Variants in FCHSD2 observed in about 807,000 individuals in gnomAD.
FCHSD2 encodes F-BAR and double SH3 domains protein 2.
In FCHSD2, 38 loss-of-function variants were observed where a neutral mutation model predicts 108.1. The ratio of observed to expected loss-of-function variants is 0.35; its 90% CI spans 0.27 to 0.46. The LOEUF (loss-of-function observed/expected upper bound fraction) is 0.46, where lower values mean the gene tolerates loss of function less well. Ranked by LOEUF, FCHSD2 falls within the 20% of genes least tolerant of loss-of-function variation. FCHSD2 has a pLI of 1.00. For synonymous variants in FCHSD2, 279 were observed against 314.7 expected (o/e 0.89, Z 1.20); for missense variants, 751 against 897.8 (o/e 0.84, Z 2.09).
chr11:72,909,051 C>T (rs945987030), intron 9 of FCHSD2, among the ~76,000 whole-genome samples: 1 of 152,044 alleles, frequency 6.6e-6, no homozygotes, highest in African/African-American at 2.4e-5. Flanking sequence ...CTCTCCCTTC[C>T]CCTCCCCCCT....
intron 4 of FCHSD2, among the ~76,000 whole-genome samples, chr11:73,010,964 T>G (rs1464704652): frequency 6.6e-6 from 1 of 151,996 alleles, no homozygotes; most frequent in Non-Finnish European, 1.5e-5. Context: ...TATGCTGGTG[T>G]TGGTGGTGGC....
chr11:72,904,345 C>A (rs1157216494), intron 9 of FCHSD2, among the ~76,000 whole-genome samples: 1 of 152,190 alleles, frequency 6.6e-6, no homozygotes, highest in East Asian at 1.9e-4. Flanking sequence ...AAACTATTAA[C>A]CTTTTTGTTT....
At chr11:73,053,762 G>T (rs953322844) in intron 3 of FCHSD2, among the ~76,000 whole-genome samples, 2 of 152,104 alleles carry the variant, frequency 1.3e-5, no homozygotes, top group African/African-American at 4.8e-5. Flanking sequence ...ATTACAGAAT[G>T]ACAAAAAAGT....
chr11:72,993,147 C>T (rs1178232644), intron 5 of FCHSD2, among the ~76,000 whole-genome samples: 2 of 151,560 alleles, frequency 1.3e-5, no homozygotes, highest in East Asian at 1.9e-4. Context: ...AGCCAACAGA[C>T]ACATGAAAAA....
chr11:72,887,372 T>C, intron 12 of FCHSD2, 98 bp downstream of exon 12: 2 of 747,376 alleles, frequency 2.7e-6, no homozygotes, highest in East Asian at 2.7e-5. Flanking sequence ...ATCACCTTCA[T>C]CTCAGTGTGT....
chr11:73,128,916 G>T (rs1860922888), intron 2 of FCHSD2, among the ~76,000 whole-genome samples: 1 of 152,088 alleles, frequency 6.6e-6, no homozygotes, highest in South Asian at 2.1e-4. Flanking sequence ...CTGTTGCCCA[G>T]GCTGGAGTGT....
chr11:73,046,377 C>T (rs1046137414), intron 3 of FCHSD2, among the ~76,000 whole-genome samples: 1 of 152,204 alleles, frequency 6.6e-6, no homozygotes, highest in East Asian at 1.9e-4. Flanking sequence ...GCCAATACAG[C>T]AAGAATGCAT....
chr11:72,853,798 G>A (rs1343145355), intron 13 of FCHSD2, among the ~76,000 whole-genome samples: 1 of 152,136 alleles, frequency 6.6e-6, no homozygotes, highest in African/African-American at 2.4e-5. Context: ...CACAGAATGG[G>A]ATAAGGTATT....
intron 3 of FCHSD2, among the ~76,000 whole-genome samples, chr11:73,017,743 A>C (rs1003744608): frequency 6.6e-6 from 1 of 152,172 alleles, no homozygotes; most frequent in Non-Finnish European, 1.5e-5. Context: ...GCATGAAAAT[A>C]TCTTCTAACC....
chr11:73,007,200 T>C (rs1369854414), intron 4 of FCHSD2, among the ~76,000 whole-genome samples: 1 of 152,186 alleles, frequency 6.6e-6, no homozygotes, highest in Non-Finnish European at 1.5e-5. Context: ...AGGTTATAAC[T>C]AGTAAAATAC....
intron 8 of FCHSD2, among the ~76,000 whole-genome samples, chr11:72,956,979 A>G (rs1856723595): frequency 3.3e-5 from 5 of 151,834 alleles, no homozygotes; most frequent in Admixed American, 3.3e-4. Flanking sequence ...CCAAGAATGC[A>G]TGATCTGACA....
chr11:73,119,984 G>A (rs1860693371), intron 2 of FCHSD2, among the ~76,000 whole-genome samples: 1 of 152,126 alleles, frequency 6.6e-6, no homozygotes, highest in Non-Finnish European at 1.5e-5. Flanking sequence ...CAATCATGGC[G>A]AGGAGGAGCA....
intron 2 of FCHSD2, among the ~76,000 whole-genome samples, chr11:73,110,678 G>A (rs371819619): frequency 5.9e-5 from 9 of 151,886 alleles, no homozygotes; most frequent in East Asian, 3.9e-4. Flanking sequence ...TTTCTGCTCC[G>A]ATCTTTATTA....
rs76569812 is a variant in FCHSD2, at chr11:73,047,554, T to C, written c.166-31669A>G. Among the ~76,000 whole-genome samples the C allele has an allele frequency of 5.1e-3, 782 of 152,262 alleles. 6 individuals are homozygous for C. The highest frequency in any genetic ancestry group is 0.018 in the African/African-American group (760 of 41,566). On this transcript the variant is annotated intron_variant, in intron 3 of 19. Transcript: ENST00000409418. ...AGTACCTAGCCACTGCCAAGGATAA[T>C]GCAAAAAGAAATCCTGAAATAAAGT...
chr11:72,856,407 C>T (rs187896894), intron 13 of FCHSD2, among the ~76,000 whole-genome samples: 5 of 152,318 alleles, frequency 3.3e-5, no homozygotes, highest in African/African-American at 1.2e-4. Context: ...TGACTCTCCT[C>T]TTAACCACTG....
chr11:72,886,903 C>T, intron 12 of FCHSD2, among the ~76,000 whole-genome samples: 1 of 152,026 alleles, frequency 6.6e-6, no homozygotes, highest in Admixed American at 6.6e-5. Context: ...GAGAATGTTT[C>T]ACAGCTTTCA....
chr11:73,010,571 T>C lies in FCHSD2; in HGVS notation c.242+5238A>G, dbSNP rs866676588. Reference sequence around the variant, plus strand: ...GAATGTTTTCCTGAAGATAGATCTATGGTGTTGTTTGGTAGGGCCCTTTGG... The same window carrying C: ...GAATGTTTTCCTGAAGATAGATCTACGGTGTTGTTTGGTAGGGCCCTTTGG... On this transcript the variant is annotated intron_variant, in intron 4 of 19. Transcript: ENST00000409418. 2.6e-5 allele frequency among the ~76,000 whole-genome samples: 4 copies of C among 152,374 alleles called. No homozygotes were observed. The Middle Eastern group carries it at 0.01, about 389-fold the overall frequency.
intron 8 of FCHSD2, among the ~76,000 whole-genome samples, chr11:72,957,865 A>G (rs1856745087): frequency 6.6e-6 from 1 of 152,216 alleles, no homozygotes; most frequent in African/African-American, 2.4e-5. Context: ...AACAAACAGA[A>G]CAAAATGTTA....
chr11:72,954,757 G>C (rs7937866), intron 8 of FCHSD2, among the ~76,000 whole-genome samples: 1 of 152,048 alleles, frequency 6.6e-6, no homozygotes. Context: ...ATGAAAGCCA[G>C]ATTTATCAAT....
Sources: gnomAD v4.1 joint callset for allele counts (sites outside exome capture counted in the v4.1 genomes callset) on GRCh38, gnomAD v4.1.1 for gene constraint, MANE v1.5 for transcripts, NCBI Gene and HGNC (gene_info 2026-07-23, HGNC 2026-07-21) for gene names.